The following NFATC2 variants were observed in gnomAD, a reference collection of about 807,000 sequenced individuals.
The protein encoded by NFATC2 is nuclear factor of activated T-cells, cytoplasmic 2.
Under a neutral mutation model 87.3 loss-of-function variants are expected in NFATC2, and 22 were observed. That is an observed-to-expected ratio of 0.25 (90% CI 0.18 to 0.36). The LOEUF is 0.36. NFATC2 is among the 10% of genes least tolerant of loss of function. NFATC2 has a pLI of 1.00. For synonymous variants in NFATC2, 565 were observed against 542.2 expected (o/e 1.04, Z -0.58); for missense variants, 1,149 against 1,259.1 (o/e 0.91, Z 1.32).
At chr20:51,421,071 C>CT (rs1162109848) in intron 9 of NFATC2, among the ~76,000 whole-genome samples, 1 of 99,092 alleles carries the variant, frequency 1.0e-5, no homozygotes, top group Non-Finnish European at 1.7e-5. Context: ...GACCCTATGT[C>CT]TTAAAAAAAA....
intron 6 of NFATC2, among the ~76,000 whole-genome samples, chr20:51,441,742 T>C (rs1984377519): frequency 7.1e-6 from 1 of 140,472 alleles, no homozygotes; most frequent in Non-Finnish European, 1.6e-5. Flanking sequence ...AAAGATAAAG[T>C]TAATATTACT....
At chr20:51,410,341 T>C (rs997796557) in intron 9 of NFATC2, among the ~76,000 whole-genome samples, 2 of 152,176 alleles carry the variant, frequency 1.3e-5, no homozygotes, top group Non-Finnish European at 2.9e-5. Flanking sequence ...AAACTGTTTT[T>C]TTAAAGTCAT....
intron 9 of NFATC2, among the ~76,000 whole-genome samples, chr20:51,404,190 C>G (rs764196043): frequency 1.2e-3 from 189 of 152,178 alleles, no homozygotes; most frequent in Non-Finnish European, 5.4e-4. Context: ...CAGCTCCTCC[C>G]TTTCTCAGCT....
In NFATC2 at chr20:51,432,109, T is replaced by C. The variant is rs747514072; in HGVS notation, c.2680A>G (p.Ile894Val). Residue 894 changes from isoleucine (I) to valine (V), a missense_variant, in exon 9 of 11, where the codon ATT becomes GTT. Transcript: ENST00000371564. This position sits in a 1 kb window ranked among gnomAD's most constrained non-coding sequence, Gnocchi z 4.6. ...QKEVLPAGVTIKQEQNLDQTY... is the reference protein window; with the variant it reads ...QKEVLPAGVTVKQEQNLDQTY... Reference sequence around the variant, plus strand: ...TGGTCCAAGTTCTGCTCCTGTTTAATGGTCACCCCCGCAGGTAATACTTCC... The same window carrying C: ...TGGTCCAAGTTCTGCTCCTGTTTAACGGTCACCCCCGCAGGTAATACTTCC... 6.5e-6 allele frequency: 10 copies of C among 1,548,174 alleles called. No homozygotes were observed. In the Admixed American group the frequency reaches 7.6e-5, roughly 12 times the overall value.
At chr20:51,411,516 CTTTTTTTT>C (rs67935951) in intron 9 of NFATC2, among the ~76,000 whole-genome samples, 122 of 87,246 alleles carry the variant, frequency 1.4e-3, no homozygotes, top group African/African-American at 4.7e-3. Context: ...ATGCAATTGT[CTTTTTTTT>C]TTTTTTTTTT....
chr20:51,546,732 G>T (rs991053856), upstream of NFATC2, among the ~76,000 whole-genome samples: 1 of 152,194 alleles, frequency 6.6e-6, no homozygotes, highest in Non-Finnish European at 1.5e-5. Flanking sequence ...TGAGGTATGT[G>T]CCGTGAAAGG....
chr20:51,528,220 A>T (rs968414364), intron 1 of NFATC2, among the ~76,000 whole-genome samples: 11 of 152,164 alleles, frequency 7.2e-5, no homozygotes. Context: ...AAGCCCATCT[A>T]TTGGGGATGA....
At chr20:51,535,926 C>A (rs1407179805) in intron 1 of NFATC2, among the ~76,000 whole-genome samples, 4 of 152,148 alleles carry the variant, frequency 2.6e-5, no homozygotes, top group Non-Finnish European at 4.4e-5. Flanking sequence ...CAAATACCAA[C>A]CCAGGAAAAG....
At chr20:51,407,144 T>C (rs1238896653) in intron 9 of NFATC2, among the ~76,000 whole-genome samples, 1 of 152,188 alleles carries the variant, frequency 6.6e-6, no homozygotes. Context: ...TCTCTCTACT[T>C]GGACTGCTGC....
chr20:51,494,960 A>G (rs1459119823), intron 3 of NFATC2, among the ~76,000 whole-genome samples: 1 of 152,202 alleles, frequency 6.6e-6, no homozygotes, highest in Non-Finnish European at 1.5e-5. Context: ...AAAGGAGGTC[A>G]GCACAGCCCC....
At chr20:51,398,312 G>A (rs952440512) in intron 10 of NFATC2, among the ~76,000 whole-genome samples, 3 of 152,014 alleles carry the variant, frequency 2.0e-5, no homozygotes, top group African/African-American at 7.2e-5. Context: ...TCATTTAACT[G>A]GACACCCACA....
At chr20:51,417,693 G>A (rs886401930) in intron 9 of NFATC2, among the ~76,000 whole-genome samples, 4 of 152,208 alleles carry the variant, frequency 2.6e-5, no homozygotes, top group South Asian at 4.1e-4. Flanking sequence ...TGCAGAGCAA[G>A]CTCTGCCAGC....
At chr20:51,501,190 G>A (rs1349114130) in intron 3 of NFATC2, among the ~76,000 whole-genome samples, 1 of 152,024 alleles carries the variant, frequency 6.6e-6, no homozygotes, top group Admixed American at 6.5e-5. Context: ...CCTTTGGCAG[G>A]TATGCGTCAG....
chr20:51,530,532 A>C (rs8119787), intron 1 of NFATC2, among the ~76,000 whole-genome samples: 1 of 151,958 alleles, frequency 6.6e-6, no homozygotes, highest in Non-Finnish European at 1.5e-5. Context: ...TTCTTAGCAC[A>C]TACAACGTCC....
intron 1 of NFATC2, among the ~76,000 whole-genome samples, chr20:51,541,386 T>TC (rs1221786277): frequency 6.6e-6 from 1 of 152,178 alleles, no homozygotes; most frequent in Non-Finnish European, 1.5e-5. Flanking sequence ...TTTTGTTTTT[T>TC]CCAAGACAAC....
intron 1 of NFATC2, among the ~76,000 whole-genome samples, chr20:51,525,359 A>C (rs1007882207): frequency 3.3e-5 from 5 of 152,186 alleles, no homozygotes; most frequent in African/African-American, 1.2e-4. Flanking sequence ...CTGTTCAAGT[A>C]GAATGTTCTA....
intron 3 of NFATC2, among the ~76,000 whole-genome samples, chr20:51,477,318 C>T (rs1164291317): frequency 2.0e-5 from 3 of 151,648 alleles, no homozygotes; most frequent in South Asian, 2.1e-4. Flanking sequence ...TGTTTTCCAT[C>T]CATCCAGTTA....
chr20:51,465,195 C>T (rs576298040), intron 5 of NFATC2, among the ~76,000 whole-genome samples: 2 of 152,218 alleles, frequency 1.3e-5, no homozygotes, highest in Non-Finnish European at 2.9e-5. Flanking sequence ...TGAGACCAGC[C>T]TGGCCAACAT....
chr20:51,503,492 A>G (rs561261450), intron 3 of NFATC2, among the ~76,000 whole-genome samples: 2 of 152,266 alleles, frequency 1.3e-5, no homozygotes, highest in African/African-American at 2.4e-5. Flanking sequence ...GACCATCTCA[A>G]TGTACCACCA....
Sources: gnomAD v4.1 joint callset for allele counts (sites outside exome capture counted in the v4.1 genomes callset) on GRCh38, gnomAD v4.1.1 for gene constraint, Gnocchi (gnomAD v3.1) non-coding constraint, MANE v1.5 for transcripts, NCBI Gene and HGNC (gene_info 2026-07-23, HGNC 2026-07-21) for gene names.